The following OSBP2 variants were observed in gnomAD, a reference collection of about 807,000 sequenced individuals.
OSBP2 encodes the protein oxysterol-binding protein 2.
In OSBP2, 66 loss-of-function variants were observed where a neutral mutation model predicts 96.0. The observed-to-expected ratio is 0.69, with a 90% confidence interval of 0.56 to 0.84. The LOEUF (loss-of-function observed/expected upper bound fraction) is 0.84. Among genes scored for constraint, OSBP2 ranks in the 40% least tolerant of loss-of-function variants. The probability of loss-of-function intolerance (pLI) is 0.00; values close to 1 mark genes in which losing one functional copy is unlikely to be tolerated. For missense variants in OSBP2, 1,038 were observed against 1,222.7 expected, an observed-to-expected ratio of 0.85 and a Z score of 2.25; for synonymous variants, 525 against 520.9, an observed-to-expected ratio of 1.01 and a Z score of -0.11.
At chr22:30,843,873 ATT>A (rs760334311) in intron 2 of OSBP2, among the ~76,000 whole-genome samples, 41 of 139,458 alleles carry the variant, frequency 2.9e-4, no homozygotes, top group Admixed American at 3.6e-4. Context: ...GTCTCAAACA[ATT>A]TTTTTTTTTT....
chr22:30,867,665 G>C (rs533458141), intron 2 of OSBP2, among the ~76,000 whole-genome samples: 72 of 152,356 alleles, frequency 4.7e-4, no homozygotes, highest in Non-Finnish European at 8.4e-4. Flanking sequence ...GCATGTCCCT[G>C]TGTCCCTGGG....
chr22:30,741,347 C>T lies in OSBP2; in HGVS notation c.831C>T (p.Val277=), dbSNP rs761695128. ...TALELAKAKA[V]RVMNTHSDDS... ...TGGAGCTGGCCAAGGCCAAGGCTGTCCGCGTGATGAACACTCATTCAGGTA... is the reference window on the plus strand; with the variant it reads ...TGGAGCTGGCCAAGGCCAAGGCTGTTCGCGTGATGAACACTCATTCAGGTA... Residue 277 remains valine, a synonymous_variant, in exon 2 of 14, where the codon GTC becomes GTT. Coordinates refer to ENST00000332585, the MANE Select transcript of OSBP2 (RefSeq NM_030758.4). The T allele has an allele frequency of 4.2e-5, 67 of 1,610,748 alleles. No individual in the cohort carries two copies. Among genetic ancestry groups the T allele is most frequent in the Non-Finnish European group, 5.3e-5 (63 of 1,179,634 alleles).
Position 30,695,525 on chromosome 22 carries a change from C to T in OSBP2, c.616C>T (p.Leu206=). 1 of 1,611,134 alleles carries T rather than the reference C, an allele frequency of 6.2e-7. No individual in the cohort carries two copies. The highest frequency in any genetic ancestry group is 8.5e-7 in the Non-Finnish European group (1 of 1,179,980). The change falls in exon 1 of 14, where the codon CTG becomes TTG. Residue 206 remains leucine (L), a synonymous_variant. Coordinates refer to ENST00000332585, the MANE Select transcript of OSBP2 (RefSeq NM_030758.4). ...LKGYQRRWFV[L]GNGLLSYYRN... Reference sequence around the variant, plus strand: ...GGGCTACCAGCGCCGCTGGTTCGTGCTGGGCAATGGTTTGCTCTCTTACTA... The same window carrying T: ...GGGCTACCAGCGCCGCTGGTTCGTGTTGGGCAATGGTTTGCTCTCTTACTA...
chr22:30,836,375 G>A (rs1027698282), intron 2 of OSBP2, among the ~76,000 whole-genome samples: 1 of 152,166 alleles, frequency 6.6e-6, no homozygotes, highest in Non-Finnish European at 1.5e-5. Flanking sequence ...AACTTGGGCA[G>A]GCCGACTTGC....
intron 2 of OSBP2, among the ~76,000 whole-genome samples, chr22:30,833,704 G>T (rs923126949): frequency 3.3e-5 from 5 of 152,216 alleles, no homozygotes; most frequent in Non-Finnish European, 5.9e-5. Flanking sequence ...TATTGAATGA[G>T]TGTATCTTTG....
At chr22:30,741,488 A>T (rs999821668) in intron 2 of OSBP2, 119 bp downstream of exon 2, 1 of 759,978 alleles carries the variant, frequency 1.3e-6, no homozygotes, top group Non-Finnish European at 2.1e-6. Flanking sequence ...GCGTGGATCA[A>T]TCTGGAAGGT....
intron 1 of OSBP2, among the ~76,000 whole-genome samples, chr22:30,709,711 T>G (rs1375804237): frequency 6.6e-6 from 1 of 151,932 alleles, no homozygotes; most frequent in Non-Finnish European, 1.5e-5. Context: ...AAAAAATTTT[T>G]TTTTTTTAAG....
intron 2 of OSBP2, among the ~76,000 whole-genome samples, chr22:30,849,376 G>A (rs1457973041): frequency 6.6e-6 from 1 of 152,214 alleles, no homozygotes; most frequent in Non-Finnish European, 1.5e-5. Context: ...CAAGGTATGA[G>A]AATTCAGTTG....
At chr22:30,860,948 G>A (rs2039198415) in intron 2 of OSBP2, among the ~76,000 whole-genome samples, 2 of 152,162 alleles carry the variant, frequency 1.3e-5, no homozygotes, top group South Asian at 2.1e-4. Flanking sequence ...ACAGCCGAGC[G>A]AAGTATGCAG....
At chr22:30,902,583 C>T in intron 12 of OSBP2, 1 of 832,012 alleles carries the variant, frequency 1.2e-6, no homozygotes, top group Non-Finnish European at 2.0e-6. Context: ...ACTGGGCAGC[C>T]ACTTCAGAGA....
In OSBP2 at chr22:30,887,539, G is replaced by T; in HGVS notation, c.1221G>T (p.Ala407=). 1 of 1,613,594 alleles carries T rather than the reference G, an allele frequency of 6.2e-7. No homozygotes were observed. The highest frequency in any genetic ancestry group is 8.5e-7 in the Non-Finnish European group (1 of 1,180,022). Residue 407 remains alanine (A), a synonymous_variant, in exon 4 of 14, where the codon GCG becomes GCT. Transcript: ENST00000332585. Reference sequence around the variant, plus strand: ...TGGAGGAAACCATTGAGCAGCTGGCGAAGCAGCACAACAGCCTCGAGCGGG... The same window carrying T: ...TGGAGGAAACCATTGAGCAGCTGGCTAAGCAGCACAACAGCCTCGAGCGGG... The part of the protein sequence containing the change: ...VHLEETIEQL[A]KQHNSLERAF...
chr22:30,717,090 T>TTGTGTGTGTGTGTGTGTGTG (rs35377469), intron 1 of OSBP2, among the ~76,000 whole-genome samples: 2 of 118,414 alleles, frequency 1.7e-5, no homozygotes, highest in East Asian at 2.3e-4. Flanking sequence ...TTTACTGTTT[T>TTGTGTGTGTGTGTGTGTGTG]TGTGTGTGTG....
intron 1 of OSBP2, among the ~76,000 whole-genome samples, chr22:30,717,605 G>A (rs2089484654): frequency 6.6e-6 from 1 of 152,200 alleles, no homozygotes; most frequent in Non-Finnish European, 1.5e-5. Flanking sequence ...CTTACAAAAA[G>A]AATGATTGCC....
chr22:30,835,519 T>C (rs2038612338), intron 2 of OSBP2, among the ~76,000 whole-genome samples: 3 of 152,176 alleles, frequency 2.0e-5, no homozygotes, highest in Admixed American at 2.0e-4. Flanking sequence ...CACCACACTT[T>C]CAATAGACAC....
chr22:30,694,728 C>T (rs1219930880), upstream of OSBP2: 6 of 380,184 alleles, frequency 1.6e-5, no homozygotes, highest in East Asian at 1.6e-4. Flanking sequence ...AAACATGGCC[C>T]GAGGCTGGCC....
chr22:30,703,141 A>T (rs1569088608), intron 1 of OSBP2, among the ~76,000 whole-genome samples: 2 of 152,050 alleles, frequency 1.3e-5, no homozygotes, highest in East Asian at 3.8e-4. Flanking sequence ...AATGTGTTGC[A>T]ATAGGCTACT....
chr22:30,902,228 G>A (rs2040229465), intron 12 of OSBP2: 1 of 1,450,342 alleles, frequency 6.9e-7, no homozygotes, highest in Admixed American at 1.7e-5. Context: ...CCCACACACA[G>A]CATATGTAGG....
At chr22:30,846,538 A>T (rs989772152) in intron 2 of OSBP2, among the ~76,000 whole-genome samples, 1 of 151,934 alleles carries the variant, frequency 6.6e-6, no homozygotes, top group Non-Finnish European at 1.5e-5. Flanking sequence ...TCTTTTGATA[A>T]TAGCCATCCT....
intron 2 of OSBP2, among the ~76,000 whole-genome samples, chr22:30,746,275 CTAGCCAGGCATGA>C (rs1387952910): frequency 2.0e-5 from 3 of 151,900 alleles, no homozygotes; most frequent in Non-Finnish European, 2.9e-5. Flanking sequence ...AAAAATGAAA[CTAGCCAGGCATGA>C]TAGCACATGC....
Sources: gnomAD v4.1 joint callset for allele counts (sites outside exome capture counted in the v4.1 genomes callset) on GRCh38, gnomAD v4.1.1 for gene constraint, MANE v1.5 for transcripts, NCBI Gene and HGNC (gene_info 2026-07-23, HGNC 2026-07-21) for gene names.